The following FANCD2OS variants were observed in gnomAD, a reference collection of about 807,000 sequenced individuals.
FANCD2OS encodes the protein FANCD2 opposite strand.
A neutral mutation model predicts 13.2 loss-of-function variants in FANCD2OS; 11 were observed. The observed-to-expected ratio is 0.83, with a 90% confidence interval of 0.52 to 1.38. The LOEUF (loss-of-function observed/expected upper bound fraction) is 1.38. Among genes scored for constraint, FANCD2OS ranks in the 40% most tolerant of loss-of-function variants. The probability of loss-of-function intolerance (pLI) is 0.00; values close to 1 mark genes in which losing one functional copy is unlikely to be tolerated. For missense variants in FANCD2OS, 217 were observed against 213.9 expected, an observed-to-expected ratio of 1.01 and a Z score of -0.09; for synonymous variants, 69 against 84.5, an observed-to-expected ratio of 0.82 and a Z score of 1.01.
chr3:10,087,107 T>A, intron 2 of FANCD2OS: 1 of 1,613,212 alleles, frequency 6.2e-7, no homozygotes. Flanking sequence ...ACTATTGCAT[T>A]TGTTTGTTTT....
intron 2 of FANCD2OS, chr3:10,092,400 C>T (rs1241741125): frequency 1.4e-6 from 1 of 740,596 alleles, no homozygotes; most frequent in Non-Finnish European, 2.4e-6. Flanking sequence ...GTCCCCCTAC[C>T]CATCCTGGAT....
At chr3:10,096,417 T>C in intron 2 of FANCD2OS, 2 of 1,614,160 alleles carry the variant, frequency 1.2e-6, no homozygotes, top group Non-Finnish European at 1.7e-6. Context: ...ATGCTCACTC[T>C]CAACAATTGT....
downstream of FANCD2OS, among the ~76,000 whole-genome samples, chr3:10,100,010 C>A (rs542795836): frequency 2.0e-5 from 3 of 151,724 alleles, no homozygotes; most frequent in South Asian, 6.3e-4. Context: ...AACCCGAGAC[C>A]CCATCTCTAC....
chr3:10,104,282 T>C lies in FANCD2OS; in HGVS notation c.493A>G (p.Thr165Ala). 1 of 1,613,400 alleles carries C rather than the reference T, an allele frequency of 6.2e-7. No homozygotes were observed. ...AAGGCAAAGGTGCACTTTTTGTAAG[T>C]TGCATACAGCAAGAGGATAGAGCGC... Reference protein sequence around the residue: ...MLRSILLLYATYKKCTFALQH... With the variant: ...MLRSILLLYAAYKKCTFALQH... Residue 165 changes from threonine (T) to alanine (A), a missense_variant, in exon 2 of 2, where the codon ACT becomes GCT. Thr to Ala is a moderately conservative substitution (Grantham distance 58, BLOSUM62 0). Transcript: ENST00000450660.
At chr3:10,107,380 C>CG in intron 1 of FANCD2OS, among the ~76,000 whole-genome samples, 1 of 152,080 alleles carries the variant, frequency 6.6e-6, no homozygotes, top group East Asian at 2.0e-4. Context: ...CTCCGCCTCC[C>CG]GGGTTCACGC....
downstream of FANCD2OS, among the ~76,000 whole-genome samples, chr3:10,100,401 TCTCC>T (rs1284983859): frequency 6.6e-6 from 1 of 152,000 alleles, no homozygotes; most frequent in Non-Finnish European, 1.5e-5. Flanking sequence ...TGAGACGGAG[TCTCC>T]CTCTGTCGCC....
chr3:10,095,493 C>T (rs775166162), intron 2 of FANCD2OS: 5 of 594,382 alleles, frequency 8.4e-6, no homozygotes, highest in Admixed American at 2.9e-5. Flanking sequence ...CTCCAAAGCT[C>T]TTTTTCCTCT....
intron 2 of FANCD2OS, among the ~76,000 whole-genome samples, chr3:10,096,999 G>T (rs557900765): frequency 2.0e-4 from 30 of 152,222 alleles, no homozygotes; most frequent in Admixed American, 5.2e-4. Context: ...AAAGCTGGGC[G>T]TCCGGGGGAG....
At chr3:10,102,956 G>C (rs191847307), downstream of FANCD2OS, 1,267 of 265,996 alleles carry the variant, frequency 4.8e-3, 10 homozygotes, top group Non-Finnish European at 7.6e-3. Flanking sequence ...ACCTAACCTA[G>C]TTACAAGAAC....
chr3:10,101,203 G>A (rs755911397), downstream of FANCD2OS: 12 of 1,612,878 alleles, frequency 7.4e-6, no homozygotes, highest in South Asian at 2.2e-5. Context: ...TGAAGAAGAC[G>A]AAGTAAGTGC....
At chr3:10,086,079 T>G (rs1694182337) in intron 2 of FANCD2OS, among the ~76,000 whole-genome samples, 1 of 152,244 alleles carries the variant, frequency 6.6e-6, no homozygotes. Flanking sequence ...ATCTATGTAT[T>G]CTGATAAATC....
chr3:10,107,430 C>G (rs1052784417), intron 1 of FANCD2OS, among the ~76,000 whole-genome samples: 8 of 151,922 alleles, frequency 5.3e-5, no homozygotes, highest in African/African-American at 1.4e-4. Flanking sequence ...GGACTACAGG[C>G]GCCTGCCACC....
chr3:10,089,103 A>C (rs1204450505), intron 2 of FANCD2OS, among the ~76,000 whole-genome samples: 1 of 152,020 alleles, frequency 6.6e-6, no homozygotes, highest in Non-Finnish European at 1.5e-5. Flanking sequence ...TGGCCAACAT[A>C]GTGAAACCCT....
intron 2 of FANCD2OS, among the ~76,000 whole-genome samples, chr3:10,086,566 C>T (rs764195579): frequency 6.6e-5 from 10 of 152,102 alleles, no homozygotes; most frequent in Non-Finnish European, 1.2e-4. Context: ...ACTGCACCCT[C>T]CACCTCCTGG....
At chr3:10,090,200 G>C in intron 2 of FANCD2OS, 2 of 864,206 alleles carry the variant, frequency 2.3e-6, no homozygotes, top group Non-Finnish European at 3.9e-6. Context: ...TAGAGAGGTA[G>C]GGAAGGAAGC....
At chr3:10,081,469 G>T in exon 3 of FANCD2OS, 7 of 1,588,962 alleles carry the variant, frequency 4.4e-6, no homozygotes, top group Non-Finnish European at 6.1e-6. Flanking sequence ...TGCTTGGTAA[G>T]TATGTGGGAA....
At chr3:10,086,203 C>G (rs1024734567) in intron 2 of FANCD2OS, among the ~76,000 whole-genome samples, 1 of 152,192 alleles carries the variant, frequency 6.6e-6, no homozygotes, top group Non-Finnish European at 1.5e-5. Context: ...GTAATCAACT[C>G]TTGATTATCC....
rs1343941301 is a variant in FANCD2OS at position 10,105,761 on chromosome 3, AAAAAAAAAAATTATATAT to A, written c.-8-997_-8-980del. 3.5e-4 allele frequency among the ~76,000 whole-genome samples: 24 copies of A among 68,862 alleles called. 1 individual carries two copies. The highest frequency in any genetic ancestry group is 2.8e-3 in the African/African-American group (20 of 7,102). 45.2% of individuals were successfully genotyped at this position (68,862 alleles called of 152,430 possible). A position where few individuals can be genotyped will look rare whatever the true frequency, so the allele number is the denominator to read the frequency against. ...GCAAGACTCCATCTAAAAAAAAAAA[AAAAAAAAAAATTATATAT>A]ATATATATATATATATATATATATA... On this transcript the variant is annotated intron_variant, in intron 1 of 1. Coordinates refer to ENST00000450660, the MANE Select transcript of FANCD2OS (RefSeq NM_001164839.2).
intron 2 of FANCD2OS, chr3:10,085,666 A>G: frequency 1.5e-6 from 1 of 682,594 alleles, no homozygotes; most frequent in South Asian, 1.4e-5. Flanking sequence ...CTGGGATTAC[A>G]GGTGTGAGCC....
Sources: allele counts gnomAD v4.1 joint callset (sites outside exome capture counted in the v4.1 genomes callset), GRCh38; gene constraint gnomAD v4.1.1; transcripts MANE v1.5; gene names NCBI Gene and HGNC (gene_info 2026-07-23, HGNC 2026-07-21).